NAV3: variants seen among roughly 807,000 people sequenced by gnomAD.
NAV3 encodes the protein pore membrane and/or filament interacting like protein 1.
NAV3 carries 87 observed loss-of-function variants against 244.7 expected under a neutral mutation model. The observed-to-expected ratio is 0.36, with a 90% CI of 0.30 to 0.42. The LOEUF is 0.42. Ranked by LOEUF, NAV3 falls within the 20% of genes least tolerant of loss-of-function variation. The pLI, the probability that NAV3 is intolerant of heterozygous loss-of-function variation, is 1.00. For missense variants in NAV3, 2,663 were observed against 2,893.3 expected (o/e 0.92, Z 1.83); for synonymous variants, 1,126 against 1,042.2 (o/e 1.08, Z -1.55).
intron 1 of NAV3, among the ~76,000 whole-genome samples, chr12:77,921,702 A>T (rs1350351487): frequency 6.6e-6 from 1 of 152,160 alleles, no homozygotes; most frequent in Non-Finnish European, 1.5e-5. Flanking sequence ...TTATGAGGAT[A>T]CAAGGCAGTA....
intron 12 of NAV3, among the ~76,000 whole-genome samples, chr12:78,077,505 T>C (rs972178844): frequency 6.6e-6 from 1 of 152,250 alleles, no homozygotes; most frequent in Non-Finnish European, 1.5e-5. Context: ...GTTTTTTCCA[T>C]GGCCATAGTT....
chr12:77,925,767 C>T (rs1204856466), intron 1 of NAV3, among the ~76,000 whole-genome samples: 2 of 152,106 alleles, frequency 1.3e-5, no homozygotes, highest in African/African-American at 2.4e-5. Context: ...CTGCAGAAAG[C>T]TGATACATAA....
At chr12:77,790,983 G>T (rs1871151436) in intron 2 of NAV3, among the ~76,000 whole-genome samples, 2 of 152,160 alleles carry the variant, frequency 1.3e-5, no homozygotes, top group South Asian at 4.1e-4. Context: ...CAAAGGAGAA[G>T]GAAAACGAAA....
intron 2 of NAV3, among the ~76,000 whole-genome samples, chr12:77,673,309 G>A (rs696470): frequency 0.15 from 22,916 of 152,022 alleles, 2,590 homozygotes; most frequent in African/African-American, 0.31. Flanking sequence ...CATACTCAGC[G>A]TCTCACATGA....
At chr12:77,591,533 G>A (rs1469469864) in intron 2 of NAV3, among the ~76,000 whole-genome samples, 1 of 152,174 alleles carries the variant, frequency 6.6e-6, no homozygotes, top group Non-Finnish European at 1.5e-5. Context: ...GAGAATAACT[G>A]ATTTCTTGAG....
intron 13 of NAV3, among the ~76,000 whole-genome samples, chr12:78,117,714 A>G (rs551088952): frequency 2.0e-5 from 3 of 151,930 alleles, no homozygotes; most frequent in African/African-American, 4.8e-5. Context: ...GTTGTGAATG[A>G]TAAATCAAAA....
At chr12:78,101,285 T>C (rs1954523925) in intron 12 of NAV3, among the ~76,000 whole-genome samples, 1 of 152,126 alleles carries the variant, frequency 6.6e-6, no homozygotes, top group Non-Finnish European at 1.5e-5. Context: ...ACACTAGAAG[T>C]AAACACAGAT....
intron 19 of NAV3, among the ~76,000 whole-genome samples, chr12:78,138,246 A>G (rs2139030399): frequency 6.6e-6 from 1 of 152,254 alleles, no homozygotes; most frequent in East Asian, 1.9e-4. Context: ...CCATCCATTT[A>G]CTTGTGGTAT....
intron 2 of NAV3, among the ~76,000 whole-genome samples, chr12:77,606,386 TTTG>T (rs1222410449): frequency 6.6e-6 from 1 of 152,176 alleles, no homozygotes; most frequent in Non-Finnish European, 1.5e-5. Flanking sequence ...TAAACTTGTT[TTTG>T]TTGTGCTGAT....
At chr12:78,071,346 G>A (rs1050020279) in intron 12 of NAV3, among the ~76,000 whole-genome samples, 3 of 152,188 alleles carry the variant, frequency 2.0e-5, no homozygotes, top group Middle Eastern at 3.4e-3. Flanking sequence ...CTGCATAAAT[G>A]TCTTCTTTTG....
chr12:78,093,776 T>G (rs993934153), intron 12 of NAV3, among the ~76,000 whole-genome samples: 1 of 152,210 alleles, frequency 6.6e-6, no homozygotes, highest in African/African-American at 2.4e-5. Flanking sequence ...GAAAATATAT[T>G]AATCCCAAAG....
intron 2 of NAV3, among the ~76,000 whole-genome samples, chr12:77,633,478 T>G (rs1375921485): frequency 6.6e-6 from 1 of 152,128 alleles, no homozygotes; most frequent in African/African-American, 2.4e-5. Context: ...AAAATGAACA[T>G]TCCAATGAGA....
At chr12:77,674,290 C>A (rs1874112621) in intron 2 of NAV3, among the ~76,000 whole-genome samples, 1 of 152,156 alleles carries the variant, frequency 6.6e-6, no homozygotes, top group Non-Finnish European at 1.5e-5. Flanking sequence ...ATTTGGATTT[C>A]TTGCCCCTTA....
chr12:77,880,464 T>C (rs923153719), intron 1 of NAV3, among the ~76,000 whole-genome samples: 1 of 152,108 alleles, frequency 6.6e-6, no homozygotes, highest in Non-Finnish European at 1.5e-5. Context: ...CTCAATGTTG[T>C]ATTGCTCAGA....
chr12:77,988,312 G>A (rs995340945), intron 5 of NAV3, among the ~76,000 whole-genome samples: 1 of 152,160 alleles, frequency 6.6e-6, no homozygotes, highest in Non-Finnish European at 1.5e-5. Flanking sequence ...GTAAAAATGT[G>A]TAACCACAGA....
intron 2 of NAV3, among the ~76,000 whole-genome samples, chr12:77,691,439 A>G (rs1214035651): frequency 2.0e-5 from 3 of 147,530 alleles, no homozygotes; most frequent in Non-Finnish European, 4.5e-5. Context: ...GTTAAGTCTC[A>G]GTGTTCTGGC....
At position 78,168,759 on chromosome 12, in the gene NAV3, C is replaced by T. The variant is rs190692203; in HGVS notation, c.4874C>T (p.Ser1625Phe). ...CAAACTCTGTTTATTCCACAGGAAT[C>T]TGAACTTATAGAACTAAGAGAAACC... ...SLTMTAEQKE[S>F]ELIELRETIE... The change falls in exon 24 of 40, where the codon TCT becomes TTT. Residue 1625 changes from serine (S) to phenylalanine (F), a missense_variant. Ser to Phe is a radical substitution (Grantham distance 155). Around this residue, in one of 6 missense-constraint regions of NAV3, gnomAD observed 48 missense variants for 90.0 expected, o/e 0.53. Coordinates refer to ENST00000397909, the MANE Select transcript of NAV3 (RefSeq NM_001024383.2). 6.2e-7 allele frequency: 1 copy of T among 1,603,100 alleles called. No homozygotes were observed. Among genetic ancestry groups the T allele is most frequent in the East Asian group, 2.2e-5 (1 of 44,672 alleles).
intron 1 of NAV3, among the ~76,000 whole-genome samples, chr12:77,930,439 C>CTT (rs35360446): frequency 1.1e-3 from 168 of 149,234 alleles, no homozygotes; most frequent in African/African-American, 1.9e-3. Context: ...CTACATTTAC[C>CTT]TTTTTTTTTT....
intron 12 of NAV3, among the ~76,000 whole-genome samples, chr12:78,083,488 T>C (rs1438958501): frequency 1.3e-5 from 2 of 152,208 alleles, no homozygotes; most frequent in Non-Finnish European, 2.9e-5. Flanking sequence ...TTATTCAAGA[T>C]TTTAACTCTA....
Sources: gnomAD v4.1 joint callset for allele counts (sites outside exome capture counted in the v4.1 genomes callset) on GRCh38, gnomAD v4.1.1 for gene constraint, gnomAD v4.1.1 regional missense constraint, MANE v1.5 for transcripts, NCBI Gene and HGNC (gene_info 2026-07-23, HGNC 2026-07-21) for gene names.